ZNF512: variants seen among roughly 807,000 people sequenced by gnomAD.
The protein encoded by ZNF512 is zinc finger protein 512.
A neutral mutation model predicts 77.5 loss-of-function variants in ZNF512; 25 were observed. The observed-to-expected ratio is 0.32, with a 90% CI of 0.23 to 0.45. The LOEUF is 0.45. Ranked by LOEUF, ZNF512 falls within the 20% of genes least tolerant of loss-of-function variation. ZNF512 has a pLI of 1.00. For missense variants in ZNF512, 483 were observed against 692.6 expected, an observed-to-expected ratio of 0.70 and a Z score of 3.40; for synonymous variants, 246 against 239.9, an observed-to-expected ratio of 1.03 and a Z score of -0.24.
intron 8 of ZNF512, 52 bp downstream of exon 8, chr2:27,602,613 CT>C (rs778916197): frequency 6.7e-7 from 1 of 1,494,700 alleles, no homozygotes; most frequent in South Asian, 1.2e-5. Context: ...AGGTCAATGT[CT>C]TTCGTTCTTC....
chr2:27,618,370 G>A (rs1458242078), intron 13 of ZNF512, among the ~76,000 whole-genome samples: 1 of 152,138 alleles, frequency 6.6e-6, no homozygotes, highest in Non-Finnish European at 1.5e-5. Flanking sequence ...TTTTAACGCT[G>A]TTTAAAATAC....
rs139890307 is a variant in ZNF512, at chr2:27,592,667, C to CTTTTTTTT, written c.90-5377_90-5370dup. Among the ~76,000 whole-genome samples, 74 of 81,570 alleles carry CTTTTTTTT rather than the reference C, an allele frequency of 9.1e-4. 2 individuals are homozygous for CTTTTTTTT. The highest frequency in any genetic ancestry group is 1.4e-3 in the Non-Finnish European group (58 of 42,732). 53.5% of individuals were successfully genotyped at this position (81,570 alleles called of 152,430 possible). A position where few individuals can be genotyped will look rare whatever the true frequency, so the allele number is the denominator to read the frequency against. On this transcript the variant is annotated intron_variant, in intron 2 of 13. Transcript: ENST00000355467. Reference sequence around the variant, plus strand: ...TACCCATATAATTTACCATGTTTACCTTTTTTTTTTTTTTTTTTTTTTTTT... The same window carrying CTTTTTTTT: ...TACCCATATAATTTACCATGTTTACCTTTTTTTTTTTTTTTTTTTTTTTTTTTTTTTTT...
At chr2:27,593,330 A>G (rs1453434698) in intron 2 of ZNF512, among the ~76,000 whole-genome samples, 1 of 142,404 alleles carries the variant, frequency 7.0e-6, no homozygotes, top group Non-Finnish European at 1.5e-5. Context: ...TAAGCCTGGG[A>G]GGTGGAGGCT....
chr2:27,595,383 G>A (rs920360261), intron 2 of ZNF512, among the ~76,000 whole-genome samples: 10 of 149,604 alleles, frequency 6.7e-5, no homozygotes, highest in African/African-American at 1.5e-4. Context: ...TCACTGCAGC[G>A]GCGCGATCTC....
At chr2:27,610,480 A>G (rs186286375) in intron 10 of ZNF512, among the ~76,000 whole-genome samples, 3,938 of 134,642 alleles carry the variant, frequency 0.029, 214 homozygotes, top group African/African-American at 0.11. Flanking sequence ...GTATATGTGT[A>G]TATATATATA....
intron 2 of ZNF512, among the ~76,000 whole-genome samples, chr2:27,596,183 A>T (rs991522476): frequency 2.6e-5 from 4 of 152,178 alleles, no homozygotes; most frequent in Admixed American, 2.0e-4. Flanking sequence ...TGAATAGCTT[A>T]GGGGCTGGTC....
chr2:27,596,820 T>A (rs528919247), intron 2 of ZNF512, among the ~76,000 whole-genome samples: 7 of 152,208 alleles, frequency 4.6e-5, no homozygotes, highest in Non-Finnish European at 8.8e-5. Flanking sequence ...CTCTGTTATG[T>A]TTACTCATCC....
chr2:27,583,256 C>A, intron 1 of ZNF512, 114 bp downstream of exon 1: 1 of 1,474,372 alleles, frequency 6.8e-7, no homozygotes, highest in Non-Finnish European at 9.5e-7. Flanking sequence ...CCATCGTAGG[C>A]CCCACCCTTC....
chr2:27,600,276 T>TATGA (rs1672056745), intron 5 of ZNF512, among the ~76,000 whole-genome samples: 1 of 152,224 alleles, frequency 6.6e-6, no homozygotes, highest in Non-Finnish European at 1.5e-5. Context: ...TTTCCCTGTC[T>TATGA]ATGAATAGGG....
chr2:27,597,237 CT>C (rs917209659), intron 2 of ZNF512, among the ~76,000 whole-genome samples: 7 of 152,062 alleles, frequency 4.6e-5, no homozygotes, highest in Admixed American at 3.3e-4. Context: ...AACTTTTTTC[CT>C]TTTGTTTACT....
At chr2:27,586,663 T>C (rs1671342235) in intron 2 of ZNF512, among the ~76,000 whole-genome samples, 1 of 152,222 alleles carries the variant, frequency 6.6e-6, no homozygotes, top group South Asian at 2.1e-4. Flanking sequence ...AAGCGTACAC[T>C]ATGGTCAGCT....
intron 2 of ZNF512, among the ~76,000 whole-genome samples, chr2:27,592,499 G>C (rs1293993810): frequency 6.6e-6 from 1 of 151,230 alleles, no homozygotes; most frequent in African/African-American, 2.4e-5. Context: ...TATTTTAGTA[G>C]AGGTGGGGTT....
intron 2 of ZNF512, among the ~76,000 whole-genome samples, chr2:27,594,673 C>T (rs1446446437): frequency 6.6e-6 from 1 of 150,450 alleles, no homozygotes; most frequent in Non-Finnish European, 1.5e-5. Flanking sequence ...AGGGTCTCCT[C>T]CCATCCCAGA....
At chr2:27,608,101 CAG>C in intron 10 of ZNF512, 62 bp downstream of exon 10, 3 of 1,440,388 alleles carry the variant, frequency 2.1e-6, no homozygotes, top group Non-Finnish European at 2.8e-6. Context: ...CTACTGTACA[CAG>C]AGAAGTAAAT....
intron 2 of ZNF512, among the ~76,000 whole-genome samples, chr2:27,594,245 C>T (rs965313533): frequency 4.7e-5 from 7 of 148,708 alleles, no homozygotes; most frequent in African/African-American, 1.7e-4. Flanking sequence ...GCGCTCCTCA[C>T]ATCCCAGACG....
chr2:27,614,802 CTCTCT>C (rs1672813331), intron 10 of ZNF512, among the ~76,000 whole-genome samples: 1 of 148,096 alleles, frequency 6.8e-6, no homozygotes, highest in East Asian at 2.1e-4. Context: ...ATTTGTATCC[CTCTCT>C]TTTTTTTTTA....
intron 10 of ZNF512, among the ~76,000 whole-genome samples, chr2:27,610,369 A>T (rs1218102486): frequency 1.4e-5 from 2 of 147,662 alleles, no homozygotes; most frequent in African/African-American, 2.5e-5. Context: ...GTATCAAAAA[A>T]AAAAAAAATA....
In ZNF512 at chr2:27,621,250, A is replaced by G. The variant is rs1673110895; in HGVS notation, c.1493A>G (p.His498Arg). 6.8e-6 allele frequency: 11 copies of G among 1,614,242 alleles called. No homozygotes were observed. Among genetic ancestry groups the G allele is most frequent in the Non-Finnish European group, 8.5e-6 (10 of 1,180,042 alleles). ...GAAGAAGAAAAGCGGAGGCAGCAGC[A>G]CAGGAGCAGAAGGTCTCTAAGAAGG... ...QQEEEKRRQQ[H>R]RSRRSLRRRQ... Residue 498 changes from histidine (H) to arginine (R), a missense_variant, in exon 14 of 14, where the codon CAC (histidine) becomes CGC (arginine). Physicochemically the swap from His to Arg is conservative, Grantham distance 29. Coordinates refer to ENST00000355467, the MANE Select transcript of ZNF512 (RefSeq NM_032434.4).
At chr2:27,618,259 G>A (rs1672979450) in intron 13 of ZNF512, among the ~76,000 whole-genome samples, 1 of 152,134 alleles carries the variant, frequency 6.6e-6, no homozygotes, top group African/African-American at 2.4e-5. Flanking sequence ...TAAGTCAAAT[G>A]TTTGGGAACC....
Sources: allele counts gnomAD v4.1 joint callset (sites outside exome capture counted in the v4.1 genomes callset), GRCh38; gene constraint gnomAD v4.1.1; transcripts MANE v1.5; gene names NCBI Gene and HGNC (gene_info 2026-07-23, HGNC 2026-07-21).